KHDRBS2: variants seen among roughly 807,000 people sequenced by gnomAD.
The protein encoded by KHDRBS2 is KH domain-containing, RNA-binding, signal transduction-associated protein 2.
KHDRBS2 carries 26 observed loss-of-function variants against 44.3 expected under a neutral mutation model. The ratio of observed to expected loss-of-function variants is 0.59; its 90% CI spans 0.43 to 0.81. The LOEUF (loss-of-function observed/expected upper bound fraction) is 0.81. Ranked by LOEUF, KHDRBS2 falls within the 40% of genes least tolerant of loss-of-function variation. The pLI, the probability that KHDRBS2 is intolerant of heterozygous loss-of-function variation, is 0.00. For synonymous variants in KHDRBS2, 194 were observed against 151.1 expected, an observed-to-expected ratio of 1.28 and a Z score of -2.08; for missense variants, 476 against 433.1, an observed-to-expected ratio of 1.10 and a Z score of -0.88.
At chr6:61,791,843 T>C (rs1164806665) in intron 6 of KHDRBS2, among the ~76,000 whole-genome samples, 2 of 151,474 alleles carry the variant, frequency 1.3e-5, no homozygotes, top group East Asian at 1.9e-4. Context: ...ATATTTGATA[T>C]AAATATTTCC....
the KHDRBS2 span, among the ~76,000 whole-genome samples, chr6:61,566,668 C>T: frequency 1.3e-5 from 2 of 151,824 alleles, no homozygotes; most frequent in African/African-American, 4.8e-5. Flanking sequence ...TCATAATTTC[C>T]TCAGTTTTAA....
chr6:61,829,580 A>T (rs1791472939), intron 6 of KHDRBS2, among the ~76,000 whole-genome samples: 1 of 152,192 alleles, frequency 6.6e-6, no homozygotes, highest in Non-Finnish European at 1.5e-5. Flanking sequence ...AAAAGATAAT[A>T]CAGTAAACTT....
chr6:62,241,786 T>A (rs1338166305), intron 1 of KHDRBS2, among the ~76,000 whole-genome samples: 2 of 148,630 alleles, frequency 1.3e-5, no homozygotes, highest in Non-Finnish European at 2.9e-5. Context: ...ATCATAATTA[T>A]CCAGGATTCA....
At chr6:61,923,109 G>C (rs1808345582) in intron 4 of KHDRBS2, among the ~76,000 whole-genome samples, 1 of 151,994 alleles carries the variant, frequency 6.6e-6, no homozygotes, top group South Asian at 2.1e-4. Flanking sequence ...GAAGATAAAA[G>C]CCATAAGGTT....
At chr6:61,550,833 C>T in the KHDRBS2 span, among the ~76,000 whole-genome samples, 1 of 133,914 alleles carries the variant, frequency 7.5e-6, no homozygotes, top group South Asian at 2.4e-4. Context: ...GAGTGTAGTG[C>T]ATGATCTCGG....
At chr6:62,109,587 G>A (rs910620026) in intron 2 of KHDRBS2, among the ~76,000 whole-genome samples, 1 of 151,704 alleles carries the variant, frequency 6.6e-6, no homozygotes, top group Admixed American at 6.6e-5. Flanking sequence ...TTTGGCAAGG[G>A]TAAAGGATAA....
At chr6:61,867,228 G>A (rs1797925710) in intron 6 of KHDRBS2, among the ~76,000 whole-genome samples, 1 of 152,220 alleles carries the variant, frequency 6.6e-6, no homozygotes, top group South Asian at 2.1e-4. Flanking sequence ...CAAGGGCAAG[G>A]AGGAACAAGT....
At chr6:61,761,799 G>A (rs1179488818) in intron 6 of KHDRBS2, among the ~76,000 whole-genome samples, 5 of 152,152 alleles carry the variant, frequency 3.3e-5, no homozygotes, top group Non-Finnish European at 7.3e-5. Context: ...TGGTGGAGAA[G>A]ATTTTGAGTT....
At chr6:61,693,344 A>G (rs546769752) in intron 8 of KHDRBS2, among the ~76,000 whole-genome samples, 1 of 152,112 alleles carries the variant, frequency 6.6e-6, no homozygotes, top group Non-Finnish European at 1.5e-5. Context: ...CACATAATGC[A>G]TATTAATTTA....
At chr6:62,033,106 T>C (rs994658281) in intron 3 of KHDRBS2, among the ~76,000 whole-genome samples, 3 of 151,622 alleles carry the variant, frequency 2.0e-5, no homozygotes, top group Non-Finnish European at 4.4e-5. Flanking sequence ...AATAGCAAAA[T>C]AGATCAAGCA....
At chr6:61,885,243 GAA>G (rs373573622) in intron 6 of KHDRBS2, among the ~76,000 whole-genome samples, 2 of 146,934 alleles carry the variant, frequency 1.4e-5, no homozygotes, top group Non-Finnish European at 3.0e-5. Context: ...CTGGTTGATA[GAA>G]AAAAAAAAGA....
At chr6:61,741,242 A>G (rs1776094771) in intron 6 of KHDRBS2, among the ~76,000 whole-genome samples, 1 of 151,670 alleles carries the variant, frequency 6.6e-6, no homozygotes, top group Non-Finnish European at 1.5e-5. Context: ...AGTTCTAAAA[A>G]GAAAAAAAAA....
intron 3 of KHDRBS2, among the ~76,000 whole-genome samples, chr6:62,011,857 A>C (rs973945201): frequency 6.6e-6 from 1 of 152,204 alleles, no homozygotes; most frequent in African/African-American, 2.4e-5. Flanking sequence ...TCTCAAATGT[A>C]CTATAGGAAA....
the KHDRBS2 span, among the ~76,000 whole-genome samples, chr6:61,551,646 C>T: frequency 6.6e-6 from 1 of 152,148 alleles, no homozygotes; most frequent in African/African-American, 2.4e-5. Flanking sequence ...TTGTTTTTGT[C>T]AGCTTTGTTG....
At chr6:61,667,292 A>C in the KHDRBS2 span, among the ~76,000 whole-genome samples, 6 of 150,988 alleles carry the variant, frequency 4.0e-5, no homozygotes, top group Non-Finnish European at 8.9e-5. Context: ...TGAAATCACA[A>C]TTCTGATATT....
At chr6:61,751,417 G>A (rs754592562) in intron 6 of KHDRBS2, among the ~76,000 whole-genome samples, 4 of 152,120 alleles carry the variant, frequency 2.6e-5, no homozygotes, top group Non-Finnish European at 5.9e-5. Context: ...AACTTCCTCA[G>A]GGGTCACACA....
At chr6:61,551,831 C>T in the KHDRBS2 span, among the ~76,000 whole-genome samples, 18 of 149,828 alleles carry the variant, frequency 1.2e-4, no homozygotes, top group Non-Finnish European at 2.5e-4. Context: ...CTTAGGATTG[C>T]CTTGGTTACT....
At chr6:61,989,428 T>C (rs1427834542) in intron 3 of KHDRBS2, among the ~76,000 whole-genome samples, 1 of 152,228 alleles carries the variant, frequency 6.6e-6, no homozygotes, top group Non-Finnish European at 1.5e-5. Context: ...CTAATTCAGA[T>C]GCTCACCCCA....
chr6:62,024,434 T>C (rs1247184794), intron 3 of KHDRBS2, among the ~76,000 whole-genome samples: 1 of 151,610 alleles, frequency 6.6e-6, no homozygotes. Flanking sequence ...TACAAAATTT[T>C]CTTTAAACAT....
Sources: allele counts gnomAD v4.1 joint callset (sites outside exome capture counted in the v4.1 genomes callset), GRCh38; gene constraint gnomAD v4.1.1; transcripts MANE v1.5; gene names NCBI Gene and HGNC (gene_info 2026-07-23, HGNC 2026-07-21).